Variants in PPM1H observed in about 807,000 individuals in gnomAD.
PPM1H encodes protein phosphatase, Mg2+/Mn2+ dependent 1H.
Under a neutral mutation model 54.9 loss-of-function variants are expected in PPM1H, and 27 were observed. The observed-to-expected ratio is 0.49, with a 90% CI of 0.36 to 0.68. The LOEUF is 0.68. Among genes scored for constraint, PPM1H ranks in the 30% least tolerant of loss-of-function variants. PPM1H has a pLI of 0.00. For synonymous variants in PPM1H, 305 were observed against 270.8 expected (o/e 1.13, Z -1.24); for missense variants, 596 against 667.8 (o/e 0.89, Z 1.19).
intron 6 of PPM1H, among the ~76,000 whole-genome samples, chr12:62,719,111 A>G (rs117786653): frequency 6.6e-6 from 1 of 152,142 alleles, no homozygotes; most frequent in Non-Finnish European, 1.5e-5. Flanking sequence ...CAGGTGAGAA[A>G]CTTCTCTTGG....
intron 1 of PPM1H, among the ~76,000 whole-genome samples, chr12:62,900,238 C>T (rs1280367039): frequency 2.6e-5 from 4 of 152,124 alleles, no homozygotes; most frequent in African/African-American, 9.7e-5. Context: ...TTGTTCAATT[C>T]CCACCTATGA....
chr12:62,898,603 A>C (rs921085631), intron 1 of PPM1H, among the ~76,000 whole-genome samples: 1 of 152,212 alleles, frequency 6.6e-6, no homozygotes, highest in African/African-American at 2.4e-5. Context: ...TTGCTAAGAG[A>C]CTGTCTTTTT....
rs1291873964 is a variant in PPM1H, at chr12:62,844,423, G to A, written c.246-12144C>T. Among the ~76,000 whole-genome samples the A allele has an allele frequency of 2.0e-5, 3 of 152,150 alleles. No homozygotes were observed. Among genetic ancestry groups the A allele is most frequent in the African/African-American group, 7.2e-5 (3 of 41,428 alleles). ...CTTCTTCATTGCTAATCATTTATAG[G>A]AAAAAGCAGAAATAGCAACTGCATG... On this transcript the variant is annotated intron_variant, in intron 1 of 9. Coordinates refer to ENST00000228705, the MANE Select transcript of PPM1H (RefSeq NM_020700.2). This position sits in a 1 kb window ranked among gnomAD's most constrained non-coding sequence, Gnocchi z 5.2.
intron 9 of PPM1H, among the ~76,000 whole-genome samples, chr12:62,663,690 C>A (rs2075899046): frequency 6.6e-6 from 1 of 152,106 alleles, no homozygotes; most frequent in Non-Finnish European, 1.5e-5. Context: ...TCCTTAGAGC[C>A]TTTAAGTTGT....
chr12:62,792,404 T>G (rs1239391279), intron 3 of PPM1H, among the ~76,000 whole-genome samples: 4 of 152,266 alleles, frequency 2.6e-5, no homozygotes. Context: ...TAAGGAATGC[T>G]AAATTTGGCA....
At chr12:62,756,137 C>T (rs1451770286) in intron 4 of PPM1H, 8 of 853,814 alleles carry the variant, frequency 9.4e-6, no homozygotes, top group East Asian at 5.0e-5. Context: ...TTGACCTCAA[C>T]GACCACTTTG....
chr12:62,905,801 C>T (rs939467942), intron 1 of PPM1H, among the ~76,000 whole-genome samples: 1 of 152,088 alleles, frequency 6.6e-6, no homozygotes, highest in African/African-American at 2.4e-5. Flanking sequence ...CCCTCATATC[C>T]TAGGAGATAA....
At chr12:62,702,199 T>G (rs1018956532) in intron 6 of PPM1H, among the ~76,000 whole-genome samples, 2 of 152,210 alleles carry the variant, frequency 1.3e-5, no homozygotes, top group African/African-American at 4.8e-5. Context: ...CCCTTTATTA[T>G]TAGTATATAT....
At chr12:62,718,528 G>A (rs190717422) in intron 6 of PPM1H, among the ~76,000 whole-genome samples, 8 of 152,034 alleles carry the variant, frequency 5.3e-5, no homozygotes, top group African/African-American at 1.7e-4. Flanking sequence ...CTGGCATCCC[G>A]TTTTCCCTAT....
At chr12:62,796,366 G>T (rs1340605398) in intron 3 of PPM1H, among the ~76,000 whole-genome samples, 1 of 152,188 alleles carries the variant, frequency 6.6e-6, no homozygotes, top group Non-Finnish European at 1.5e-5. Context: ...TCTGATGCCA[G>T]TCGCAAGCCC....
intron 5 of PPM1H, among the ~76,000 whole-genome samples, chr12:62,723,723 G>C (rs772408030): frequency 6.6e-6 from 1 of 152,152 alleles, no homozygotes; most frequent in Non-Finnish European, 1.5e-5. Context: ...AGCAGCACCA[G>C]ACAGACTAAG....
intron 5 of PPM1H, among the ~76,000 whole-genome samples, chr12:62,726,835 T>G (rs2076292447): frequency 6.6e-6 from 1 of 152,212 alleles, no homozygotes; most frequent in Non-Finnish European, 1.5e-5. Context: ...CAAAATGATT[T>G]TACTTTGGAT....
At chr12:62,720,310 A>G (rs770154218) in intron 5 of PPM1H, 21 bp from the exon 6 acceptor site, 2 of 1,534,566 alleles carry the variant, frequency 1.3e-6, no homozygotes, top group African/African-American at 1.4e-5. Context: ...AAAGAAAAAG[A>G]AAAAACACAC....
intron 2 of PPM1H, among the ~76,000 whole-genome samples, chr12:62,831,242 G>A (rs752868071): frequency 8.5e-5 from 13 of 152,136 alleles, no homozygotes; most frequent in Non-Finnish European, 1.9e-4. Flanking sequence ...TCCTCAAGAT[G>A]ATCAGAATGA....
rs556265064 is a variant in PPM1H, at chr12:62,751,760, T to C, written c.870-14174A>G. On this transcript the variant is annotated intron_variant, in intron 4 of 9. Coordinates refer to ENST00000228705, the MANE Select transcript of PPM1H (RefSeq NM_020700.2). The stretch of plus-strand genomic sequence containing the variant: ...GACCCATAAACAATGAGATCTAGAC[T>C]GTATAATGTACTGAGAATGTCTTGC... Among the ~76,000 whole-genome samples the C allele has an allele frequency of 9.2e-5, 14 of 152,358 alleles. No individual in the cohort carries two copies. The South Asian group carries it at 2.9e-3, about 32-fold the overall frequency.
intron 6 of PPM1H, among the ~76,000 whole-genome samples, chr12:62,717,714 T>C (rs2076243385): frequency 6.6e-6 from 1 of 152,132 alleles, no homozygotes; most frequent in Non-Finnish European, 1.5e-5. Flanking sequence ...TTCCAGGGTT[T>C]GGAGAAAGAA....
At chr12:62,804,826 C>A (rs1042532900) in intron 2 of PPM1H, among the ~76,000 whole-genome samples, 2 of 150,806 alleles carry the variant, frequency 1.3e-5, no homozygotes, top group Non-Finnish European at 3.0e-5. Context: ...CAGGCGCCCG[C>A]CACTACGCCC....
chr12:62,766,110 C>T (rs2076541864), intron 4 of PPM1H, among the ~76,000 whole-genome samples: 1 of 152,044 alleles, frequency 6.6e-6, no homozygotes, highest in South Asian at 2.1e-4. Context: ...ACAAAATATG[C>T]AGCTGGTGAT....
intron 4 of PPM1H, among the ~76,000 whole-genome samples, chr12:62,771,846 T>C (rs1247500216): frequency 2.6e-5 from 4 of 152,188 alleles, no homozygotes; most frequent in Non-Finnish European, 4.4e-5. Context: ...AGTTCCATAA[T>C]GGCAGAGGCT....
Sources: gnomAD v4.1 joint callset for allele counts (sites outside exome capture counted in the v4.1 genomes callset) on GRCh38, gnomAD v4.1.1 for gene constraint, Gnocchi (gnomAD v3.1) non-coding constraint, MANE v1.5 for transcripts, NCBI Gene and HGNC (gene_info 2026-07-23, HGNC 2026-07-21) for gene names.